The following ATP10B variants were observed in gnomAD, a reference collection of about 807,000 sequenced individuals.
The protein encoded by ATP10B is ATPase phospholipid transporting 10B (putative).
A neutral mutation model predicts 141.2 loss-of-function variants in ATP10B; 122 were observed. The observed-to-expected ratio is 0.86, with a 90% CI of 0.75 to 1.00. ATP10B has a LOEUF of 1.00. Among genes scored for constraint, ATP10B ranks in the 50% least tolerant of loss-of-function variants. The pLI is 0.00. For missense variants in ATP10B, 1,876 were observed against 1,825.3 expected (o/e 1.03, Z -0.51); for synonymous variants, 685 against 692.0 (o/e 0.99, Z 0.16).
chr5:160,795,135 T>C (rs4415114), intron 1 of ATP10B, among the ~76,000 whole-genome samples: 67,011 of 152,044 alleles, frequency 0.44, 14,866 homozygotes, highest in East Asian at 0.61. Context: ...GTATGGTACA[T>C]AAGCTATTTC....
At chr5:160,591,568 G>A (rs1270861734) in intron 22 of ATP10B, among the ~76,000 whole-genome samples, 1 of 152,080 alleles carries the variant, frequency 6.6e-6, no homozygotes, top group Non-Finnish European at 1.5e-5. Context: ...TTTCTAAGTG[G>A]CATCTGAGAG....
chr5:160,783,397 GATGGATATATCTATCC>G (rs1770864660), intron 2 of ATP10B, among the ~76,000 whole-genome samples: 1 of 107,650 alleles, frequency 9.3e-6, no homozygotes, highest in Non-Finnish European at 1.9e-5. Flanking sequence ...ATATATATGT[GATGGATATATCTATCC>G]ATGGATATAT....
chr5:160,802,316 C>T (rs563652230), intron 1 of ATP10B, among the ~76,000 whole-genome samples: 15 of 152,140 alleles, frequency 9.9e-5, no homozygotes, highest in Non-Finnish European at 1.0e-4. Flanking sequence ...CTGACATTAC[C>T]TGAGGAAAAA....
chr5:160,833,631 T>C (rs1581624705), intron 1 of ATP10B, among the ~76,000 whole-genome samples: 1 of 151,972 alleles, frequency 6.6e-6, no homozygotes. Context: ...GACGTTAGAA[T>C]TAGAAGACAA....
Position 160,620,578 on chromosome 5 carries a change from G to A in ATP10B, c.2185C>T (p.His729Tyr). 1 of 1,613,870 alleles carries A rather than the reference G, an allele frequency of 6.2e-7. No homozygotes were observed. The highest frequency in any genetic ancestry group is 8.5e-7 in the Non-Finnish European group (1 of 1,179,784). ...AESPDEAALVHAAHAYSFTLV... is the reference protein window; with the variant it reads ...AESPDEAALVYAAHAYSFTLV... The stretch of plus-strand genomic sequence containing the variant: ...GTGAAGCTGTAGGCATGGGCAGCGT[G>A]CACCAGGGCGGCCTCATCAGGGCTC... The change falls in exon 15 of 26, where the codon CAC becomes TAC. Residue 729 changes from histidine (H) to tyrosine (Y), a missense_variant. Transcript: ENST00000327245.
chr5:160,795,547 T>C (rs552178740), intron 1 of ATP10B, among the ~76,000 whole-genome samples: 1 of 149,944 alleles, frequency 6.7e-6, no homozygotes, highest in Admixed American at 6.8e-5. Flanking sequence ...GATATGTCCA[T>C]GTGCCAATCT....
the ATP10B span, among the ~76,000 whole-genome samples, chr5:160,879,554 C>A: frequency 1.3e-4 from 18 of 136,972 alleles, no homozygotes; most frequent in African/African-American, 3.6e-4. Context: ...AAAAAAAAAA[C>A]CACGGCCAGG....
chr5:160,582,546 C>A (rs1382725889), intron 24 of ATP10B, among the ~76,000 whole-genome samples: 1 of 152,120 alleles, frequency 6.6e-6, no homozygotes, highest in Non-Finnish European at 1.5e-5. Flanking sequence ...GTGGGGAACC[C>A]GACCTTTCTC....
At chr5:160,819,810 A>G (rs1239846284) in intron 1 of ATP10B, among the ~76,000 whole-genome samples, 2 of 152,140 alleles carry the variant, frequency 1.3e-5, no homozygotes, top group Non-Finnish European at 2.9e-5. Context: ...TGGCACCCTA[A>G]ATCAAAAAAC....
upstream of ATP10B, among the ~76,000 whole-genome samples, chr5:160,853,632 T>G (rs780848378): frequency 6.6e-6 from 1 of 152,160 alleles, no homozygotes; most frequent in Admixed American, 6.6e-5. Flanking sequence ...TGGGTTTTCA[T>G]GCTAACCAAT....
the ATP10B span, among the ~76,000 whole-genome samples, chr5:160,870,501 CA>C: frequency 2.0e-5 from 3 of 151,198 alleles, no homozygotes; most frequent in Non-Finnish European, 4.4e-5. Flanking sequence ...GAAAACATAA[CA>C]AAAACCTCCA....
chr5:160,601,930 C>T (rs1757118934), intron 21 of ATP10B, among the ~76,000 whole-genome samples: 1 of 152,172 alleles, frequency 6.6e-6, no homozygotes, highest in Non-Finnish European at 1.5e-5. Context: ...GGGCTCCAGG[C>T]TTATATTCTG....
intron 9 of ATP10B, among the ~76,000 whole-genome samples, chr5:160,642,004 A>C (rs924697597): frequency 6.6e-6 from 1 of 152,188 alleles, no homozygotes; most frequent in African/African-American, 2.4e-5. Context: ...TCCTGGGACT[A>C]TCCCCTTCAC....
chr5:160,692,398 C>G (rs779212308), intron 3 of ATP10B, among the ~76,000 whole-genome samples: 4 of 152,130 alleles, frequency 2.6e-5, no homozygotes, highest in Non-Finnish European at 5.9e-5. Context: ...GCTGTCCTCA[C>G]AGGGCTAACA....
At position 160,620,533 on chromosome 5, in the gene ATP10B, C is replaced by A; in HGVS notation, c.2230G>T (p.Glu744Ter). The change falls in exon 15 of 26, where the codon GAG becomes TAG. Residue 744 changes from glutamate to a stop codon, truncating the protein, a stop_gained. Transcript: ENST00000327245. LOFTEE classifies it high-confidence loss of function. ...TGGGGCAGGCGCACAGTCACCTGCT[C>A]AGGTGTCCGGGACACTAGTGTGAAG... ...YSFTLVSRTP[E>*]QVTVRLPQGT... The A allele has an allele frequency of 2.5e-6, 4 of 1,614,154 alleles. No homozygotes were observed. Among genetic ancestry groups the A allele is most frequent in the Non-Finnish European group, 3.4e-6 (4 of 1,180,022 alleles).
the ATP10B span, among the ~76,000 whole-genome samples, chr5:160,888,598 C>T: frequency 6.6e-6 from 1 of 152,140 alleles, no homozygotes; most frequent in Non-Finnish European, 1.5e-5. Flanking sequence ...AATCAAGAAG[C>T]AGAGGGGAGG....
chr5:160,769,353 G>T (rs1252973752), intron 2 of ATP10B, among the ~76,000 whole-genome samples: 1 of 152,160 alleles, frequency 6.6e-6, no homozygotes, highest in African/African-American at 2.4e-5. Flanking sequence ...CAGGATACCT[G>T]GAATTGGGAC....
intron 3 of ATP10B, among the ~76,000 whole-genome samples, chr5:160,707,589 G>C (rs901978718): frequency 1.3e-5 from 2 of 152,018 alleles, no homozygotes; most frequent in African/African-American, 4.8e-5. Context: ...TCTGAATAGG[G>C]GCACACAAAT....
chr5:160,686,817 C>T (rs12658396), intron 5 of ATP10B: 291,646 of 336,468 alleles, frequency 0.87, 126,603 homozygotes, highest in East Asian at 0.9. Context: ...TGATATACAG[C>T]AGAGGGCTCT....
Sources: allele counts gnomAD v4.1 joint callset (sites outside exome capture counted in the v4.1 genomes callset), GRCh38; gene constraint gnomAD v4.1.1; transcripts MANE v1.5; gene names NCBI Gene and HGNC (gene_info 2026-07-23, HGNC 2026-07-21).